Variants in NCS1 observed in about 807,000 individuals in gnomAD.
NCS1 encodes the protein frequenin homolog.
In NCS1, 6 loss-of-function variants were observed where a neutral mutation model predicts 28.4. The ratio of observed to expected loss-of-function variants is 0.21; its 90% CI spans 0.12 to 0.42. The LOEUF (loss-of-function observed/expected upper bound fraction) is 0.42, where lower values mean the gene tolerates loss of function less well. Ranked by LOEUF, NCS1 falls within the 10% of genes least tolerant of loss-of-function variation. NCS1 has a pLI of 1.00. For synonymous variants in NCS1, 86 were observed against 99.3 expected, an observed-to-expected ratio of 0.87 and a Z score of 0.79; for missense variants, 131 against 241.4, an observed-to-expected ratio of 0.54 and a Z score of 3.03.
intron 1 of NCS1, among the ~76,000 whole-genome samples, chr9:130,174,818 G>A (rs1480024669): frequency 8.9e-6 from 1 of 112,654 alleles, no homozygotes; most frequent in Non-Finnish European, 1.8e-5. Flanking sequence ...GCTCTGCTGG[G>A]TGTCTTTTTC....
intron 1 of NCS1, among the ~76,000 whole-genome samples, chr9:130,190,978 G>A (rs1276839314): frequency 2.6e-5 from 4 of 152,178 alleles, no homozygotes; most frequent in African/African-American, 7.2e-5. Context: ...CTGCGGGAGC[G>A]GCAACAGCTT....
In NCS1 at chr9:130,175,154, G is replaced by A. The variant is rs1478622106; in HGVS notation, c.64+2427G>A. Among the ~76,000 whole-genome samples, 10 of 152,112 alleles carry A rather than the reference G, an allele frequency of 6.6e-5. No homozygotes were observed. Among genetic ancestry groups the A allele is most frequent in the Non-Finnish European group, 1.3e-4 (9 of 68,024 alleles). On this transcript the variant is annotated intron_variant, in intron 1 of 7. Coordinates refer to ENST00000372398, the MANE Select transcript of NCS1 (RefSeq NM_014286.4). This position sits in a 1 kb window ranked among gnomAD's most constrained non-coding sequence, Gnocchi z 4.9. ...GCGCTGACGTCAGCTCCCTAGTGCA[G>A]GCCCTTGTGTGTGGAGCTCACAGCT... is the stretch of plus-strand genomic sequence containing the variant.
At position 130,187,666 on chromosome 9, in the gene NCS1, C is replaced by T. The variant is rs145379559; in HGVS notation, c.65-13292C>T. On this transcript the variant is annotated intron_variant, in intron 1 of 7. Transcript: ENST00000372398. Reference sequence around the variant, plus strand: ...ATGCTGGTTCCACCCCTGGTGCCACCGTTGCCCAGTCTCTGCGTCCCTGCC... The same window carrying T: ...ATGCTGGTTCCACCCCTGGTGCCACTGTTGCCCAGTCTCTGCGTCCCTGCC... Among the ~76,000 whole-genome samples the T allele has an allele frequency of 4.3e-4, 66 of 152,308 alleles. No individual in the cohort carries two copies. The Middle Eastern group carries it at 0.01, about 24-fold the overall frequency.
chr9:130,208,144 C>T (rs1171278672), intron 2 of NCS1, among the ~76,000 whole-genome samples: 7 of 140,974 alleles, frequency 5.0e-5, no homozygotes, highest in African/African-American at 1.9e-4. Flanking sequence ...TCATCGGGCA[C>T]CAGTCCATGA....
chr9:130,210,843 CT>C (rs3055582), intron 2 of NCS1, among the ~76,000 whole-genome samples: 215 of 140,824 alleles, frequency 1.5e-3, no homozygotes, highest in Non-Finnish European at 1.9e-3. Flanking sequence ...TTTTTCTTTT[CT>C]TTTTTTTTTT....
In NCS1 at chr9:130,236,979, G is replaced by A. The variant is rs1588131216; in HGVS notation, c.*4007G>A. ...CAGAAGTGGAGGACGGTGCCCAAGA[G>A]TAGCGGTTTGGACTGCTGCTGCCTC... On this transcript the variant is annotated 3_prime_UTR_variant, in exon 8 of 8. Transcript: ENST00000372398. The A allele has an allele frequency of 6.6e-6, 1 of 152,324 alleles. No individual in the cohort carries two copies. The highest frequency in any genetic ancestry group is 1.5e-5 in the Non-Finnish European group (1 of 68,120). 9.4% of individuals were successfully genotyped at this position (152,324 alleles called of 1,614,324 possible).
chr9:130,176,602 G>A (rs1832575011), intron 1 of NCS1, among the ~76,000 whole-genome samples: 1 of 152,190 alleles, frequency 6.6e-6, no homozygotes, highest in Non-Finnish European at 1.5e-5. Flanking sequence ...TGCTGACTCT[G>A]GTCTTTGTGC....
rs976610871 is a variant in NCS1, at chr9:130,234,927, G to A, written c.*1955G>A. Reference sequence around the variant, plus strand: ...CAACAGCCCATCAGCCCATGTTTTAGAGGGGACACTTTGGTCCTCGGTTCC... The same window carrying A: ...CAACAGCCCATCAGCCCATGTTTTAAAGGGGACACTTTGGTCCTCGGTTCC... On this transcript the variant is annotated 3_prime_UTR_variant, in exon 8 of 8. Transcript: ENST00000372398. The surrounding 1 kb of genome is among the most constrained non-coding windows in gnomAD (Gnocchi z 6.1). The A allele has an allele frequency of 6.6e-6, 1 of 152,344 alleles. No homozygotes were observed. Among genetic ancestry groups the A allele is most frequent in the Non-Finnish European group, 1.5e-5 (1 of 68,082 alleles). 9.4% of individuals were successfully genotyped at this position (152,344 alleles called of 1,614,324 possible).
intron 4 of NCS1, among the ~76,000 whole-genome samples, chr9:130,221,451 G>GAGAGAGAGAGAGAA (rs1194707277): frequency 5.8e-5 from 8 of 138,106 alleles, no homozygotes; most frequent in African/African-American, 2.2e-4. Context: ...GAGAGAGAGA[G>GAGAGAGAGAGAGAA]AAAGAGAGAG....
Position 130,181,234 on chromosome 9 carries a change from C to G in NCS1, c.64+8507C>G, listed in dbSNP as rs1246460837. 3.3e-5 allele frequency among the ~76,000 whole-genome samples: 5 copies of G among 152,110 alleles called. No homozygotes were observed. Among genetic ancestry groups the G allele is most frequent in the Non-Finnish European group, 5.9e-5 (4 of 68,030 alleles). ...GCCTCAGGCATGGTTCTTAGCCTCT[C>G]GATACCTTAGTTTTCTTATCTGGGG... On this transcript the variant is annotated intron_variant, in intron 1 of 7. Transcript: ENST00000372398. The surrounding 1 kb of genome is among the most constrained non-coding windows in gnomAD (Gnocchi z 5.0).
chr9:130,205,537 G>GAA (rs1194053393), intron 2 of NCS1, among the ~76,000 whole-genome samples: 6,242 of 115,020 alleles, frequency 0.054, 389 homozygotes, highest in African/African-American at 0.12. Flanking sequence ...TCGTCTCTTA[G>GAA]AAAAAAAAAA....
chr9:130,173,497 T>C (rs1832520373), intron 1 of NCS1, among the ~76,000 whole-genome samples: 1 of 152,174 alleles, frequency 6.6e-6, no homozygotes, highest in Non-Finnish European at 1.5e-5. Context: ...CTTGCAGTCC[T>C]AGTTTCTCCA....
intron 7 of NCS1, among the ~76,000 whole-genome samples, chr9:130,227,045 G>A (rs111843624): frequency 5.5e-4 from 70 of 126,506 alleles, no homozygotes; most frequent in Middle Eastern, 4.0e-3. Context: ...AAAAAGAAAA[G>A]AAAAAAAAAA....
chr9:130,220,089 G>A (rs1486857384), intron 4 of NCS1, among the ~76,000 whole-genome samples: 1 of 152,188 alleles, frequency 6.6e-6, no homozygotes, highest in Non-Finnish European at 1.5e-5. Context: ...GAAGGAGCTC[G>A]CTGAGGCAGG....
intron 1 of NCS1, among the ~76,000 whole-genome samples, chr9:130,193,401 G>A (rs149567520): frequency 4.4e-4 from 67 of 152,116 alleles, no homozygotes; most frequent in African/African-American, 1.4e-3. Context: ...AGAAGAGGCC[G>A]GCACAGCAGC....
rs1366376681 is a variant in NCS1 at position 130,233,799 on chromosome 9, T to G, written c.*827T>G. On this transcript the variant is annotated 3_prime_UTR_variant, in exon 8 of 8. Coordinates refer to ENST00000372398, the MANE Select transcript of NCS1 (RefSeq NM_014286.4). The surrounding 1 kb of genome is among the most constrained non-coding windows in gnomAD (Gnocchi z 4.8). ...CAGCGGCCAAGAAGCCAAAAAAAAT[T>G]TTTTTTTTTTCAGATACTGTGCTTG... 6.6e-6 allele frequency: 1 copy of G among 151,084 alleles called. No individual in the cohort carries two copies. The highest frequency in any genetic ancestry group is 1.5e-5 in the Non-Finnish European group (1 of 67,538). 9.4% of individuals were successfully genotyped at this position (151,084 alleles called of 1,614,324 possible).
chr9:130,182,399 G>A (rs1424957374), intron 1 of NCS1, among the ~76,000 whole-genome samples: 1 of 152,242 alleles, frequency 6.6e-6, no homozygotes, highest in Non-Finnish European at 1.5e-5. Flanking sequence ...GCCGCTGCTG[G>A]AGCATCAGAC....
rs781910521 is a variant in NCS1 at position 130,191,984 on chromosome 9, C to T, written c.65-8974C>T. ...GAGGGCAGAAGGGCTGGGGAACGCG[C>T]GGCGAGTGGGTCAGGGCGAGGGGCT... On this transcript the variant is annotated intron_variant, in intron 1 of 7. Coordinates refer to ENST00000372398, the MANE Select transcript of NCS1 (RefSeq NM_014286.4). The surrounding 1 kb of genome is among the most constrained non-coding windows in gnomAD (Gnocchi z 6.4). Among the ~76,000 whole-genome samples the T allele has an allele frequency of 5.9e-5, 9 of 152,110 alleles. No homozygotes were observed. Among genetic ancestry groups the T allele is most frequent in the East Asian group, 1.9e-4 (1 of 5,166 alleles).
rs1420451273 is a variant in NCS1, at chr9:130,180,462, A to G, written c.64+7735A>G. On this transcript the variant is annotated intron_variant, in intron 1 of 7. Coordinates refer to ENST00000372398, the MANE Select transcript of NCS1 (RefSeq NM_014286.4). This position sits in a 1 kb window ranked among gnomAD's most constrained non-coding sequence, Gnocchi z 4.5. ...GCACATCATCATTATGGTCATAACA[A>G]GATGAATCAATTTTCACATTCTGTG... Among the ~76,000 whole-genome samples, 1 of 152,224 alleles carries G rather than the reference A, an allele frequency of 6.6e-6. No homozygotes were observed. The highest frequency in any genetic ancestry group is 1.5e-5 in the Non-Finnish European group (1 of 68,044).
Sources: allele counts gnomAD v4.1 joint callset (sites outside exome capture counted in the v4.1 genomes callset), GRCh38; gene constraint gnomAD v4.1.1; non-coding constraint Gnocchi (gnomAD v3.1); transcripts MANE v1.5; gene names NCBI Gene and HGNC (gene_info 2026-07-23, HGNC 2026-07-21).